The following GLYATL2 variants were observed in gnomAD, a reference collection of about 807,000 sequenced individuals.
The protein encoded by GLYATL2 is glycine N-acyltransferase-like protein 2.
In GLYATL2, 25 loss-of-function variants were observed where a neutral mutation model predicts 21.4. That is an observed-to-expected ratio of 1.17 (90% CI 0.85 to 1.63). The LOEUF (loss-of-function observed/expected upper bound fraction) is 1.63, where lower values mean the gene tolerates loss of function less well. Ranked by LOEUF, GLYATL2 falls within the 40% of genes most tolerant of loss-of-function variation. The probability of loss-of-function intolerance (pLI) is 0.00; values close to 1 mark genes in which losing one functional copy is unlikely to be tolerated. For missense variants in GLYATL2, 361 were observed against 343.3 expected (o/e 1.05, Z -0.41); for synonymous variants, 114 against 118.2 (o/e 0.96, Z 0.23).
chr11:58,897,728 A>G (rs1250735926), intron 1 of GLYATL2, among the ~76,000 whole-genome samples: 1 of 152,206 alleles, frequency 6.6e-6, no homozygotes, highest in Non-Finnish European at 1.5e-5. Context: ...CATAAAAACT[A>G]TTTATGAAAC....
chr11:58,845,996 C>T (rs115163080), upstream of GLYATL2, among the ~76,000 whole-genome samples: 2 of 144,196 alleles, frequency 1.4e-5, no homozygotes, highest in African/African-American at 5.2e-5. Flanking sequence ...AAGTGGTTCA[C>T]ATAATCTATC....
intron 1 of GLYATL2, among the ~76,000 whole-genome samples, chr11:58,882,515 T>C (rs771053221): frequency 1.2e-4 from 18 of 152,220 alleles, no homozygotes; most frequent in Non-Finnish European, 2.2e-4. Flanking sequence ...GCAAAAATTT[T>C]CCCCATTCTG....
At chr11:58,836,896 C>T (rs1853440688) in intron 5 of GLYATL2, 119 bp downstream of exon 5, 1 of 850,476 alleles carries the variant, frequency 1.2e-6, no homozygotes, top group Non-Finnish European at 1.9e-6. Flanking sequence ...CCTTTCTTTA[C>T]CCATGCAATT....
At chr11:58,861,044 C>A (rs553738215) in intron 1 of GLYATL2, among the ~76,000 whole-genome samples, 3 of 151,936 alleles carry the variant, frequency 2.0e-5, no homozygotes, top group African/African-American at 7.2e-5. Flanking sequence ...AGTGCTATTG[C>A]CTATTATTTT....
At chr11:58,856,613 T>C (rs1853831893) in intron 1 of GLYATL2, among the ~76,000 whole-genome samples, 1 of 152,142 alleles carries the variant, frequency 6.6e-6, no homozygotes, top group Non-Finnish European at 1.5e-5. Context: ...ACTGGCGTAA[T>C]TTAAATGTTG....
intron 1 of GLYATL2, among the ~76,000 whole-genome samples, chr11:58,863,300 TG>T (rs1219933032): frequency 6.6e-5 from 10 of 152,152 alleles, no homozygotes; most frequent in African/African-American, 2.4e-4. Context: ...GTCTAATGTC[TG>T]GGCCTACTGG....
At chr11:58,879,357 T>C (rs1324107731) in intron 1 of GLYATL2, among the ~76,000 whole-genome samples, 1 of 152,258 alleles carries the variant, frequency 6.6e-6, no homozygotes, top group Admixed American at 6.5e-5. Context: ...ACACGTTATA[T>C]ATTTTGCTTT....
Position 58,879,178 on chromosome 11 carries a change from ATT to A in GLYATL2, n.60+24976_60+24977del, listed in dbSNP as rs11334970. Reference sequence around the variant, plus strand: ...TTTAACTATGGTTCCAGTCCCTTCCATTTTTTTTTTCAATCTTGCATAAAAAT... The same window carrying A: ...TTTAACTATGGTTCCAGTCCCTTCCATTTTTTTTCAATCTTGCATAAAAAT... On this transcript the variant is annotated intron_variant and non_coding_transcript_variant, in intron 1 of 4. Transcript: ENST00000533636. Among the ~76,000 whole-genome samples, 358 of 151,036 alleles carry A rather than the reference ATT, an allele frequency of 2.4e-3. 3 individuals are homozygous for A. The highest frequency in any genetic ancestry group is 7.2e-3 in the African/African-American group (297 of 41,198).
upstream of GLYATL2, among the ~76,000 whole-genome samples, chr11:58,904,590 C>T (rs1854814087): frequency 6.6e-6 from 1 of 152,186 alleles, no homozygotes; most frequent in Admixed American, 6.5e-5. Context: ...ATATTAGTGC[C>T]AGTCATGTGC....
chr11:58,887,822 C>T (rs1323686195), intron 1 of GLYATL2, among the ~76,000 whole-genome samples: 1 of 152,176 alleles, frequency 6.6e-6, no homozygotes, highest in Non-Finnish European at 1.5e-5. Context: ...CATGTCTTTA[C>T]ATCCTGGAAA....
rs1486901450 is a variant in GLYATL2, at chr11:58,834,392, A to C, written c.*37T>G. 1.3e-6 allele frequency: 2 copies of C among 1,495,988 alleles called. No homozygotes were observed. Among genetic ancestry groups the C allele is most frequent in the Non-Finnish European group, 1.8e-6 (2 of 1,112,718 alleles). The allele number at this position is 1,495,988 out of a possible 1,614,324, so 92.7% of individuals were successfully genotyped here. A position where few individuals can be genotyped will look rare whatever the true frequency, so the allele number is the denominator to read the frequency against. On this transcript the variant is annotated 3_prime_UTR_variant, in exon 6 of 6. Transcript: ENST00000287275. The stretch of plus-strand genomic sequence containing the variant: ...CTTGTGTTTGAATTAATGTTTTTTT[A>C]CTGATAAGAAAGATTTGAAATGGAC...
intron 1 of GLYATL2, among the ~76,000 whole-genome samples, chr11:58,864,022 A>C (rs1853980073): frequency 1.3e-5 from 2 of 152,108 alleles, no homozygotes; most frequent in Non-Finnish European, 2.9e-5. Context: ...TAGGGCTGCC[A>C]ACCTGGAACT....
intron 1 of GLYATL2, among the ~76,000 whole-genome samples, chr11:58,882,027 G>A (rs1565104223): frequency 6.6e-6 from 1 of 152,154 alleles, no homozygotes; most frequent in Non-Finnish European, 1.5e-5. Flanking sequence ...TGTGAATAGT[G>A]CCTCAATAAA....
intron 1 of GLYATL2, among the ~76,000 whole-genome samples, chr11:58,851,795 T>C (rs1229732319): frequency 6.6e-6 from 1 of 152,126 alleles, no homozygotes; most frequent in Non-Finnish European, 1.5e-5. Flanking sequence ...ACAGGGGAGA[T>C]GGCAAGCCAC....
the GLYATL2 span, among the ~76,000 whole-genome samples, chr11:58,909,410 T>C: frequency 6.6e-6 from 1 of 152,190 alleles, no homozygotes; most frequent in Admixed American, 6.5e-5. Context: ...AAGTAATAAA[T>C]GAGGGCAGAA....
intron 1 of GLYATL2, among the ~76,000 whole-genome samples, chr11:58,857,726 T>A (rs1853854795): frequency 6.6e-6 from 1 of 152,040 alleles, no homozygotes; most frequent in African/African-American, 2.4e-5. Flanking sequence ...CCAATTTTTT[T>A]CCTTGCTCTA....
At chr11:58,905,696 G>A (rs1854852280), upstream of GLYATL2, 1 of 449,102 alleles carries the variant, frequency 2.2e-6, no homozygotes, top group South Asian at 1.6e-5. Context: ...GAGTGGTTCG[G>A]GGGAGGGGAT....
chr11:58,878,964 T>C (rs1184279866), intron 1 of GLYATL2, among the ~76,000 whole-genome samples: 1 of 152,232 alleles, frequency 6.6e-6, no homozygotes, highest in African/African-American at 2.4e-5. Flanking sequence ...ACTGTTATTC[T>C]CTTTAGAATA....
intron 1 of GLYATL2, among the ~76,000 whole-genome samples, chr11:58,882,057 T>G (rs1011793508): frequency 9.9e-5 from 15 of 152,198 alleles, no homozygotes; most frequent in African/African-American, 3.6e-4. Context: ...GCATGTGTCT[T>G]TATAGTAGCA....
Sources: gnomAD v4.1 joint callset for allele counts (sites outside exome capture counted in the v4.1 genomes callset) on GRCh38, gnomAD v4.1.1 for gene constraint, MANE v1.5 for transcripts, NCBI Gene and HGNC (gene_info 2026-07-23, HGNC 2026-07-21) for gene names.